The following TREM2 variants were observed in gnomAD, a reference collection of about 807,000 sequenced individuals.
TREM2 encodes the protein triggering receptor expressed on myeloid cells 2.
Under a neutral mutation model 22.9 loss-of-function variants are expected in TREM2, and 20 were observed. The ratio of observed to expected loss-of-function variants is 0.87; its 90% CI spans 0.61 to 1.27. The LOEUF (loss-of-function observed/expected upper bound fraction) is 1.27. Ranked by LOEUF, TREM2 falls within the 50% of genes most tolerant of loss-of-function variation. The pLI is 0.00. For synonymous variants in TREM2, 111 were observed against 120.9 expected, an observed-to-expected ratio of 0.92 and a Z score of 0.54; for missense variants, 267 against 289.0, an observed-to-expected ratio of 0.92 and a Z score of 0.55.
intron 2 of TREM2, 55 bp downstream of exon 2, chr6:41,161,208 A>G: frequency 6.4e-7 from 1 of 1,558,224 alleles, no homozygotes; most frequent in Non-Finnish European, 8.8e-7. Context: ...ACAGACGCCC[A>G]AAACATGAGG....
intron 1 of TREM2, among the ~76,000 whole-genome samples, chr6:41,162,789 T>A (rs1765601095): frequency 6.6e-6 from 1 of 152,092 alleles, no homozygotes; most frequent in Admixed American, 6.5e-5. Context: ...TCCCTTCCAA[T>A]GCAACCAGAG....
In TREM2 at chr6:41,161,552, C is replaced by T. The variant is rs1245053102; in HGVS notation, c.102G>A (p.Val34=). The T allele has an allele frequency of 3.1e-6, 5 of 1,614,156 alleles. No homozygotes were observed. The highest frequency in any genetic ancestry group is 1.7e-5 in the Admixed American group (1 of 60,024). Residue 34 remains valine, a synonymous_variant, in exon 2 of 5, where the codon GTG becomes GTA. Transcript: ENST00000373113. Reference sequence around the variant, plus strand: ...GCTTCATGGAGTCATAGGGGCAAGACACCTGCAGGGACTGGCCCGCCACGC... The same window carrying T: ...GCTTCATGGAGTCATAGGGGCAAGATACCTGCAGGGACTGGCCCGCCACGC... ...FQGVAGQSLQ[V]SCPYDSMKHW...
rs1205300439 is a variant in TREM2 at position 41,158,875 on chromosome 6, G to A, written c.674C>T (p.Pro225Leu). ...ATGGCTGTGCTCTCCAAGCCCACCTGGCAGAGTTTGGAGCTGATACCCTGG... is the reference window on the plus strand; with the variant it reads ...ATGGCTGTGCTCTCCAAGCCCACCTAGCAGAGTTTGGAGCTGATACCCTGG... Reference protein sequence around the residue: ...HDPGYQLQTLPGLRDT With the variant: ...HDPGYQLQTLLGLRDT Residue 225 changes from proline (P) to leucine (L), a missense_variant and splice_region_variant, in exon 4 of 5, where the codon CCA (proline) becomes CTA (leucine). Transcript: ENST00000373113. 4.3e-6 allele frequency: 7 copies of A among 1,614,218 alleles called. No homozygotes were observed. The highest frequency in any genetic ancestry group is 5.9e-6 in the Non-Finnish European group (7 of 1,180,038).
chr6:41,160,425 G>A (rs1417019146), intron 2 of TREM2, among the ~76,000 whole-genome samples: 1 of 152,050 alleles, frequency 6.6e-6, no homozygotes, highest in Non-Finnish European at 1.5e-5. Flanking sequence ...GCCATACTGG[G>A]AGAAGGGGTT....
chr6:41,160,429 A>C (rs1390118582), intron 2 of TREM2, among the ~76,000 whole-genome samples: 4 of 151,970 alleles, frequency 2.6e-5, no homozygotes, highest in South Asian at 2.1e-4. Context: ...TACTGGGAGA[A>C]GGGGTTGGAA....
At chr6:41,162,245 A>G (rs1765585282) in intron 1 of TREM2, among the ~76,000 whole-genome samples, 1 of 152,084 alleles carries the variant, frequency 6.6e-6, no homozygotes, top group South Asian at 2.1e-4. Context: ...TTCAACCATT[A>G]CTGTGACAGA....
In TREM2 at chr6:41,158,696, G is replaced by A; in HGVS notation, c.*68C>T. ...GAACAAGGAGTCCTGGTGGCCAAGT[G>A]GCAAGTATGCAGGCTGGGCTGGTCC... On this transcript the variant is annotated 3_prime_UTR_variant, in exon 5 of 5. Transcript: ENST00000373113. 1 of 1,614,088 alleles carries A rather than the reference G, an allele frequency of 6.2e-7. No individual in the cohort carries two copies. The highest frequency in any genetic ancestry group is 8.5e-7 in the Non-Finnish European group (1 of 1,180,004).
In TREM2 at chr6:41,161,457, G is replaced by A. The variant is rs201258663; in HGVS notation, c.197C>T (p.Thr66Met). The change falls in exon 2 of 5, where the codon ACG becomes ATG. Residue 66 changes from threonine (T) to methionine (M), a missense_variant. Coordinates refer to ENST00000373113, the MANE Select transcript of TREM2 (RefSeq NM_018965.4). ...EKGPCQRVVSTHNLWLLSFLR... is the reference protein window; with the variant it reads ...EKGPCQRVVSMHNLWLLSFLR... The stretch of plus-strand genomic sequence containing the variant: ...GAAGGACAGCAGCCACAAGTTGTGC[G>A]TGCTGACCACACGCTGGCATGGGCC... The A allele has an allele frequency of 5.4e-5, 87 of 1,614,234 alleles. No homozygotes were observed. The highest frequency in any genetic ancestry group is 3.8e-4 in the South Asian group (35 of 91,090).
Position 41,161,332 on chromosome 6 carries a change from A to G in TREM2, c.322T>C (p.Tyr108His). 6.2e-7 allele frequency: 1 copy of G among 1,614,252 alleles called. No individual in the cohort carries two copies. Among genetic ancestry groups the G allele is most frequent in the Non-Finnish European group, 8.5e-7 (1 of 1,180,036 alleles). ...CTGCCATGGAGGCTCTGGCACTGGT[A>G]GAGACCCGCATCATGGGGTTGTAGA... is the stretch of plus-strand genomic sequence containing the variant. ...RNLQPHDAGL[Y>H]QCQSLHGSEA... Residue 108 changes from tyrosine (Y) to histidine (H), a missense_variant, in exon 2 of 5, where the codon TAC becomes CAC. Tyr to His is a moderately conservative substitution (Grantham distance 83). Transcript: ENST00000373113.
At chr6:41,159,472 A>G (rs1236858652) in intron 3 of TREM2, among the ~76,000 whole-genome samples, 1 of 152,226 alleles carries the variant, frequency 6.6e-6, no homozygotes, top group East Asian at 1.9e-4. Flanking sequence ...CTAAAGTACT[A>G]AAACATTCAT....
chr6:41,162,487 G>A (rs1012467351), intron 1 of TREM2, among the ~76,000 whole-genome samples: 7 of 152,148 alleles, frequency 4.6e-5, no homozygotes, highest in Non-Finnish European at 7.3e-5. Flanking sequence ...TTTCCTCAGC[G>A]GGAAGAAGCA....
In TREM2 at chr6:41,158,685, G is replaced by T. The variant is rs947954226; in HGVS notation, c.*79C>A. The T allele has an allele frequency of 3.7e-6, 6 of 1,613,798 alleles. No homozygotes were observed. Among genetic ancestry groups the T allele is most frequent in the Non-Finnish European group, 5.1e-6 (6 of 1,179,918 alleles). On this transcript the variant is annotated 3_prime_UTR_variant, in exon 5 of 5. Coordinates refer to ENST00000373113, the MANE Select transcript of TREM2 (RefSeq NM_018965.4). ...TTGCCAGAGCAGAACAAGGAGTCCTGGTGGCCAAGTGGCAAGTATGCAGGC... is the reference window on the plus strand; with the variant it reads ...TTGCCAGAGCAGAACAAGGAGTCCTTGTGGCCAAGTGGCAAGTATGCAGGC...
In TREM2 at chr6:41,161,391, G is replaced by A. The variant is rs1483052893; in HGVS notation, c.263C>T (p.Thr88Ile). ...WNGSTAITDD[T>I]LGGTLTITLR... ...CGTAATGGTGAGAGTGCCACCCAGG[G>A]TATCGTCTGTGATGGCTGTGCTCCC... The change falls in exon 2 of 5, where the codon ACC becomes ATC. Residue 88 changes from threonine (T) to isoleucine (I), a missense_variant. Transcript: ENST00000373113. The A allele has an allele frequency of 5.0e-6, 8 of 1,614,112 alleles. No homozygotes were observed. Among genetic ancestry groups the A allele is most frequent in the Admixed American group, 3.3e-5 (2 of 60,008 alleles).
chr6:41,162,305 A>T (rs1457046838), intron 1 of TREM2, among the ~76,000 whole-genome samples: 1 of 152,128 alleles, frequency 6.6e-6, no homozygotes, highest in Non-Finnish European at 1.5e-5. Context: ...TTGGAACTAG[A>T]GAGACCAGAT....
chr6:41,161,335 G>A lies in TREM2; in HGVS notation c.319C>T (p.Leu107Phe). 6.2e-7 allele frequency: 1 copy of A among 1,614,256 alleles called. No individual in the cohort carries two copies. Among genetic ancestry groups the A allele is most frequent in the Non-Finnish European group, 8.5e-7 (1 of 1,180,048 alleles). Reference protein sequence around the residue: ...LRNLQPHDAGLYQCQSLHGSE... With the variant: ...LRNLQPHDAGFYQCQSLHGSE... ...CCATGGAGGCTCTGGCACTGGTAGAGACCCGCATCATGGGGTTGTAGATTC... is the reference window on the plus strand; with the variant it reads ...CCATGGAGGCTCTGGCACTGGTAGAAACCCGCATCATGGGGTTGTAGATTC... Residue 107 changes from leucine (L) to phenylalanine (F), a missense_variant, in exon 2 of 5, where the codon CTC (leucine) becomes TTC (phenylalanine). Coordinates refer to ENST00000373113, the MANE Select transcript of TREM2 (RefSeq NM_018965.4).
intron 2 of TREM2, among the ~76,000 whole-genome samples, 177 bp downstream of exon 2, chr6:41,161,086 C>G (rs1765551876): frequency 6.6e-6 from 1 of 152,190 alleles, no homozygotes; most frequent in Admixed American, 6.5e-5. Flanking sequence ...ATTTTGGCCC[C>G]CTTGTATAGT....
chr6:41,158,725 G>C lies in TREM2; in HGVS notation c.*39C>G, dbSNP rs752213350. 39 of 1,614,098 alleles carry C rather than the reference G, an allele frequency of 2.4e-5. No individual in the cohort carries two copies. The highest frequency in any genetic ancestry group is 3.3e-5 in the South Asian group (3 of 91,086). The stretch of plus-strand genomic sequence containing the variant: ...AGTATGCAGGCTGGGCTGGTCCCTG[G>C]TGGGACTTCTCCTGGGCTTTTCCTC... On this transcript the variant is annotated 3_prime_UTR_variant, in exon 5 of 5. Coordinates refer to ENST00000373113, the MANE Select transcript of TREM2 (RefSeq NM_018965.4).
chr6:41,160,983 G>A (rs1246366891), intron 2 of TREM2, among the ~76,000 whole-genome samples: 3 of 152,212 alleles, frequency 2.0e-5, no homozygotes, highest in Non-Finnish European at 2.9e-5. Context: ...AGTTCACAGA[G>A]TGCCTTAATG....
intron 1 of TREM2, among the ~76,000 whole-genome samples, chr6:41,162,590 G>C (rs1291844524): frequency 6.6e-6 from 1 of 152,156 alleles, no homozygotes; most frequent in Non-Finnish European, 1.5e-5. Context: ...GAGGACAAGG[G>C]GACCTTCAGA....
Sources: allele counts gnomAD v4.1 joint callset (sites outside exome capture counted in the v4.1 genomes callset), GRCh38; gene constraint gnomAD v4.1.1; transcripts MANE v1.5; gene names NCBI Gene and HGNC (gene_info 2026-07-23, HGNC 2026-07-21).